The following AP2B1 variants were observed in gnomAD, a reference collection of about 807,000 sequenced individuals.
AP2B1 encodes the protein AP-2 complex subunit beta.
A neutral mutation model predicts 102.0 loss-of-function variants in AP2B1; 23 were observed. The observed-to-expected ratio is 0.23, with a 90% confidence interval of 0.16 to 0.32. The LOEUF (loss-of-function observed/expected upper bound fraction) is 0.32. Ranked by LOEUF, AP2B1 falls within the 10% of genes least tolerant of loss-of-function variation. The pLI, the probability that AP2B1 is intolerant of heterozygous loss-of-function variation, is 1.00. For missense variants in AP2B1, 541 were observed against 1,157.4 expected (o/e 0.47, Z 7.73); for synonymous variants, 381 against 421.2 (o/e 0.90, Z 1.17).
intron 3 of AP2B1, among the ~76,000 whole-genome samples, chr17:35,602,690 C>T (rs915630193): frequency 1.3e-5 from 2 of 152,144 alleles, no homozygotes; most frequent in African/African-American, 4.8e-5. Flanking sequence ...GTGTGTTTCA[C>T]ATTTACATCA....
chr17:35,628,829 A>G (rs1174417731), intron 9 of AP2B1, among the ~76,000 whole-genome samples: 1 of 152,106 alleles, frequency 6.6e-6, no homozygotes, highest in Non-Finnish European at 1.5e-5. Flanking sequence ...TTTGTTTCTT[A>G]TTCTATCAAC....
chr17:35,600,574 T>G (rs184405842), intron 3 of AP2B1, among the ~76,000 whole-genome samples: 1 of 152,226 alleles, frequency 6.6e-6, no homozygotes, highest in Admixed American at 6.5e-5. Flanking sequence ...CAGGAACTTA[T>G]GAGAATCTAG....
chr17:35,595,088 G>A (rs1420518749), intron 2 of AP2B1, among the ~76,000 whole-genome samples: 1 of 152,192 alleles, frequency 6.6e-6, no homozygotes, highest in African/African-American at 2.4e-5. Context: ...TCTTGTTGCA[G>A]TGAGTTGCTT....
chr17:35,711,511 C>T (rs886369609), intron 20 of AP2B1, among the ~76,000 whole-genome samples: 4 of 151,546 alleles, frequency 2.6e-5, no homozygotes, highest in African/African-American at 9.7e-5. Flanking sequence ...CTCCATTGCC[C>T]AGGCTGGAGT....
At position 35,648,798 on chromosome 17, in the gene AP2B1, A is replaced by T. The variant is rs557826749; in HGVS notation, c.1537-1732A>T. Among the ~76,000 whole-genome samples the T allele has an allele frequency of 3.8e-4, 57 of 149,802 alleles. 1 individual carries two copies. Among genetic ancestry groups the T allele is most frequent in the Admixed American group, 3.7e-3 (55 of 14,952 alleles). The stretch of plus-strand genomic sequence containing the variant: ...TGACCCATCTGGACAGATATATACC[A>T]CATTACTAATCATGGCTATTTGGGG... On this transcript the variant is annotated intron_variant, in intron 12 of 21. Transcript: ENST00000610402.
chr17:35,607,220 AGTT>A (rs146705783), intron 4 of AP2B1, among the ~76,000 whole-genome samples: 9,517 of 152,116 alleles, frequency 0.063, 408 homozygotes, highest in Middle Eastern at 0.11. Flanking sequence ...TTTTTTTAAT[AGTT>A]GTTTTTTCTC....
At position 35,716,936 on chromosome 17, in the gene AP2B1, C is replaced by T. The variant is rs372121972; in HGVS notation, c.2627-259C>T. ...TCCTTAGGCCCACCAATATCATAAT[C>T]TCCAAAGGTAACTCGCACTAAACCA... On this transcript the variant is annotated intron_variant, in intron 20 of 21. Coordinates refer to ENST00000610402, the MANE Select transcript of AP2B1 (RefSeq NM_001030006.2). Among the ~76,000 whole-genome samples, 9 of 152,354 alleles carry T rather than the reference C, an allele frequency of 5.9e-5. No individual in the cohort carries two copies. In the East Asian group the frequency reaches 1.2e-3, roughly 20 times the overall value.
At chr17:35,665,126 C>CTTTT (rs10635426) in intron 14 of AP2B1, among the ~76,000 whole-genome samples, 56 of 116,304 alleles carry the variant, frequency 4.8e-4, no homozygotes, top group East Asian at 7.8e-4. Context: ...TTTGGAATAG[C>CTTTT]TTTTTTTTTT....
In AP2B1 at chr17:35,624,528, G is replaced by A. The variant is rs763770429; in HGVS notation, c.657G>A (p.Gln219=). 6.8e-6 allele frequency: 11 copies of A among 1,614,024 alleles called. No individual in the cohort carries two copies. The highest frequency in any genetic ancestry group is 1.7e-5 in the Admixed American group (1 of 60,002). Residue 219 remains glutamine, a synonymous_variant, in exon 6 of 22, where the codon CAG becomes CAA. Coordinates refer to ENST00000610402, the MANE Select transcript of AP2B1 (RefSeq NM_001030006.2). ...TGAATGAATGCACTGAATGGGGCCA[G>A]ATTTTCATCCTGGACTGCCTGTCTA... ...TALNECTEWG[Q]IFILDCLSNY...
chr17:35,618,121 T>C, intron 5 of AP2B1, among the ~76,000 whole-genome samples: 1 of 152,202 alleles, frequency 6.6e-6, no homozygotes, highest in East Asian at 1.9e-4. Context: ...ATATTAACAG[T>C]TGGCATTCTA....
At chr17:35,711,662 G>A (rs587758108) in intron 20 of AP2B1, among the ~76,000 whole-genome samples, 33 of 152,218 alleles carry the variant, frequency 2.2e-4, no homozygotes, top group Non-Finnish European at 3.7e-4. Context: ...TAATAGAGAC[G>A]GGGTTTCACC....
chr17:35,665,915 A>AT (rs983450633), intron 14 of AP2B1, among the ~76,000 whole-genome samples: 5 of 152,074 alleles, frequency 3.3e-5, no homozygotes, highest in African/African-American at 9.7e-5. Flanking sequence ...AATTTGTGGG[A>AT]TTTTTTTTCC....
chr17:35,708,519 A>G (rs2076388563), intron 18 of AP2B1, among the ~76,000 whole-genome samples: 1 of 151,942 alleles, frequency 6.6e-6, no homozygotes, highest in Admixed American at 6.6e-5. Context: ...TTGTATTGTG[A>G]GAAGAAAATT....
At chr17:35,626,505 A>T in intron 6 of AP2B1, 116 bp from the exon 7 acceptor site, 1 of 880,782 alleles carries the variant, frequency 1.1e-6, no homozygotes, top group Admixed American at 2.7e-5. Flanking sequence ...TGACTTTTCT[A>T]ACTAATTCTT....
intron 3 of AP2B1, among the ~76,000 whole-genome samples, chr17:35,601,778 C>CTTT (rs202210134): frequency 1.4e-5 from 2 of 140,090 alleles, no homozygotes; most frequent in African/African-American, 2.6e-5. Context: ...TGTCATAACT[C>CTTT]TTTTTTTTTT....
In AP2B1 at chr17:35,671,890, C is replaced by T. The variant is rs145680535; in HGVS notation, c.2168C>T (p.Ala723Val). The change falls in exon 16 of 22, where the codon GCT becomes GTT. Residue 723 changes from alanine (A) to valine (V), a missense_variant. Ala to Val is a moderately conservative substitution (Grantham distance 64). Coordinates refer to ENST00000610402, the MANE Select transcript of AP2B1 (RefSeq NM_001030006.2). ...GGCATGGCACCTGGTGGATATGTGG[C>T]TCCTAAGGCTGTAAGTAAAGAGTTA... is the stretch of plus-strand genomic sequence containing the variant. ...GIGMAPGGYV[A>V]PKAVWLPAVK... 1.7e-5 allele frequency: 27 copies of T among 1,613,906 alleles called. No homozygotes were observed. The African/African-American group carries it at 3.3e-4, about 20-fold the overall frequency.
chr17:35,620,792 T>C (rs2074154392), intron 5 of AP2B1, among the ~76,000 whole-genome samples: 1 of 152,172 alleles, frequency 6.6e-6, no homozygotes, highest in South Asian at 2.1e-4. Flanking sequence ...CATTCCAGCC[T>C]GGGCAACAGA....
Position 35,636,448 on chromosome 17 carries a change from C to T in AP2B1, c.1263C>T (p.Tyr421=), listed in dbSNP as rs1233693330. The T allele has an allele frequency of 6.2e-6, 10 of 1,612,002 alleles. No individual in the cohort carries two copies. Among genetic ancestry groups the T allele is most frequent in the Non-Finnish European group, 8.5e-6 (10 of 1,178,188 alleles). Residue 421 remains tyrosine, a synonymous_variant, in exon 10 of 22, where the codon TAC becomes TAT. Transcript: ENST00000610402. ...IVVIRDIFRK[Y]PNKYESIIAT... ...TCATCAGGGACATCTTCCGCAAATACCCCAACAAGTATGTCCAAATACCTT... is the reference window on the plus strand; with the variant it reads ...TCATCAGGGACATCTTCCGCAAATATCCCAACAAGTATGTCCAAATACCTT...
chr17:35,608,298 G>A lies in AP2B1; in HGVS notation c.436G>A (p.Ala146Thr), dbSNP rs1307498129. The A allele has an allele frequency of 6.2e-7, 1 of 1,614,154 alleles. No homozygotes were observed. The highest frequency in any genetic ancestry group is 2.2e-5 in the East Asian group (1 of 44,880). The change falls in exon 5 of 22, where the codon GCA becomes ACA. Residue 146 changes from alanine (A) to threonine (T), a missense_variant. Physicochemically the swap from Ala to Thr is moderately conservative, Grantham distance 58 (BLOSUM62 0). Around this residue, in one of 10 missense-constraint regions of AP2B1, gnomAD observed 134 missense variants for 250.2 expected, o/e 0.54. Transcript: ENST00000610402. ...TCGGAAAACAGCAGCAGTCTGCGTG[G>A]CAAAACTCCATGATATCAATGCCCA... ...YVRKTAAVCV[A>T]KLHDINAQMV...
Sources: allele counts gnomAD v4.1 joint callset (sites outside exome capture counted in the v4.1 genomes callset), GRCh38; gene constraint gnomAD v4.1.1; regional missense constraint gnomAD v4.1.1; transcripts MANE v1.5; gene names NCBI Gene and HGNC (gene_info 2026-07-23, HGNC 2026-07-21).